TACC2: variants seen among roughly 807,000 people sequenced by gnomAD.
The protein encoded by TACC2 is transforming acidic coiled-coil containing protein 2.
A neutral mutation model predicts 227.3 loss-of-function variants in TACC2; 137 were observed. That is an observed-to-expected ratio of 0.60 (90% CI 0.52 to 0.69). The LOEUF is 0.69. Ranked by LOEUF, TACC2 falls within the 30% of genes least tolerant of loss-of-function variation. TACC2 has a pLI of 0.00. For missense variants in TACC2, 3,470 were observed against 3,694.4 expected (o/e 0.94, Z 1.57); for synonymous variants, 1,523 against 1,487.5 (o/e 1.02, Z -0.55).
intron 3 of TACC2, among the ~76,000 whole-genome samples, chr10:122,062,726 TAGC>T (rs2136460941): frequency 6.6e-6 from 1 of 152,332 alleles, no homozygotes; most frequent in East Asian, 1.9e-4. Context: ...TTGGTGTGGA[TAGC>T]AGCAACTATG....
At chr10:122,170,659 C>CA (rs1205079090) in intron 7 of TACC2, among the ~76,000 whole-genome samples, 2 of 152,122 alleles carry the variant, frequency 1.3e-5, no homozygotes, top group African/African-American at 4.8e-5. Context: ...TAGAACGGTC[C>CA]ATGTCATTGG....
chr10:122,162,903 G>A lies in TACC2; in HGVS notation c.5834+19197G>A, dbSNP rs1212862767. On this transcript the variant is annotated intron_variant, in intron 7 of 22. Transcript: ENST00000369005. ...TGCCTTGGGCGGCTCAGCTGGCCGC[G>A]CCTCTGCTTGTTTAGGGTGAGCCTT... 2.6e-5 allele frequency among the ~76,000 whole-genome samples: 4 copies of A among 152,214 alleles called. No homozygotes were observed. In the Middle Eastern group the frequency reaches 0.014, roughly 518 times the overall value.
chr10:122,138,792 T>C (rs1565410735), intron 6 of TACC2, among the ~76,000 whole-genome samples: 1 of 152,222 alleles, frequency 6.6e-6, no homozygotes, highest in Admixed American at 6.5e-5. Context: ...GTGTCAGATA[T>C]TGAGAATTTC....
intron 7 of TACC2, among the ~76,000 whole-genome samples, chr10:122,154,321 G>T (rs1474488971): frequency 6.6e-6 from 1 of 152,240 alleles, no homozygotes; most frequent in Non-Finnish European, 1.5e-5. Flanking sequence ...TCTTAAGATC[G>T]TAGGCACAGG....
chr10:122,118,057 G>A (rs1368692261), intron 5 of TACC2, among the ~76,000 whole-genome samples: 5 of 144,976 alleles, frequency 3.4e-5, no homozygotes, highest in Non-Finnish European at 4.5e-5. Flanking sequence ...TCTGTTGTCC[G>A]GGCTGGAGTG....
Position 122,210,361 on chromosome 10 carries a change from T to C in TACC2, c.5972-36T>C. ...AGGAGAGGTGCCCCAATGCGTCCTGTGTCTGTAATTGATGGCGTTGTCTGT... is the reference window on the plus strand; with the variant it reads ...AGGAGAGGTGCCCCAATGCGTCCTGCGTCTGTAATTGATGGCGTTGTCTGT... On this transcript the variant is annotated intron_variant, in intron 8 of 22. Transcript: ENST00000369005. The surrounding 1 kb of genome is among the most constrained non-coding windows in gnomAD (Gnocchi z 4.6). 1 of 1,529,802 alleles carries C rather than the reference T, an allele frequency of 6.5e-7. No homozygotes were observed. Among genetic ancestry groups the C allele is most frequent in the Non-Finnish European group, 9.1e-7 (1 of 1,103,522 alleles). 94.8% of individuals were successfully genotyped at this position (1,529,802 alleles called of 1,614,324 possible).
intron 11 of TACC2, 182 bp downstream of exon 11, chr10:122,217,010 G>A: frequency 7.8e-7 from 1 of 1,277,846 alleles, no homozygotes; most frequent in East Asian, 2.6e-5. Flanking sequence ...CCTGAGACTT[G>A]AAAGCAGCTG....
chr10:122,034,021 G>T (rs12354719), intron 2 of TACC2, among the ~76,000 whole-genome samples: 1 of 151,702 alleles, frequency 6.6e-6, no homozygotes, highest in Non-Finnish European at 1.5e-5. Flanking sequence ...GCGTGGTGGC[G>T]CACACCTGTA....
chr10:122,103,036 T>C (rs1447109173), intron 5 of TACC2, among the ~76,000 whole-genome samples: 1 of 151,968 alleles, frequency 6.6e-6, no homozygotes, highest in Non-Finnish European at 1.5e-5. Flanking sequence ...CAGCCCATCA[T>C]GGAATGTGAG....
At chr10:122,008,385 C>T (rs889308138) in intron 1 of TACC2, among the ~76,000 whole-genome samples, 4 of 151,584 alleles carry the variant, frequency 2.6e-5, no homozygotes, top group African/African-American at 9.7e-5. Flanking sequence ...CTCAGCCTCT[C>T]GAGTAGCCGG....
rs2095255583 is a variant in TACC2, at chr10:122,210,169, A to T, written c.5972-228A>T. ...AGCTGTTCTTTAATCGGTCCTCATG[A>T]TCCTCATTGTACAGATGAGGGAACT... On this transcript the variant is annotated intron_variant, in intron 8 of 22. Coordinates refer to ENST00000369005, the MANE Select transcript of TACC2 (RefSeq NM_206862.4). The surrounding 1 kb of genome is among the most constrained non-coding windows in gnomAD (Gnocchi z 4.6). 1 of 594,260 alleles carries T rather than the reference A, an allele frequency of 1.7e-6. No individual in the cohort carries two copies. Among genetic ancestry groups the T allele is most frequent in the African/African-American group, 1.9e-5 (1 of 53,582 alleles). The allele number at this position is 594,260 out of a possible 1,614,324, so 36.8% of individuals were successfully genotyped here. A position where few individuals can be genotyped will look rare whatever the true frequency, so the allele number is the denominator to read the frequency against.
chr10:121,990,510 A>G (rs1332706653), intron 1 of TACC2, among the ~76,000 whole-genome samples: 1 of 149,754 alleles, frequency 6.7e-6, no homozygotes, highest in Non-Finnish European at 1.5e-5. Context: ...GGCAAAGGGT[A>G]GATTCCATTG....
At chr10:122,187,166 G>C (rs2094229207) in intron 7 of TACC2, among the ~76,000 whole-genome samples, 1 of 152,196 alleles carries the variant, frequency 6.6e-6, no homozygotes, top group African/African-American at 2.4e-5. Flanking sequence ...GGGGAGTGAG[G>C]AGTGAGTTTC....
At chr10:122,216,396 A>C in intron 10 of TACC2, among the ~76,000 whole-genome samples, 1 of 137,638 alleles carries the variant, frequency 7.3e-6, no homozygotes. Context: ...TTTTTTTTTA[A>C]ATTCATGGTC....
chr10:122,236,742 T>C (rs1013933752), intron 16 of TACC2, among the ~76,000 whole-genome samples: 1 of 152,202 alleles, frequency 6.6e-6, no homozygotes, highest in Admixed American at 6.5e-5. Flanking sequence ...ACCCAGTTTT[T>C]AATTTTCCCA....
At chr10:122,229,276 G>T in intron 14 of TACC2, 70 bp from the exon 15 acceptor site, 1 of 1,581,360 alleles carries the variant, frequency 6.3e-7, no homozygotes, top group Non-Finnish European at 8.6e-7. Context: ...CATGGCCCTT[G>T]CTTGGAATCA....
intron 1 of TACC2, among the ~76,000 whole-genome samples, chr10:121,993,374 G>A (rs1485109728): frequency 1.2e-4 from 18 of 152,042 alleles, no homozygotes; most frequent in Admixed American, 1.2e-3. Context: ...AATTTTCTCT[G>A]AAAAATTATA....
intron 5 of TACC2, among the ~76,000 whole-genome samples, chr10:122,120,333 G>A (rs921726322): frequency 6.6e-6 from 1 of 152,190 alleles, no homozygotes; most frequent in Non-Finnish European, 1.5e-5. Flanking sequence ...TTTCAGATCA[G>A]AAAATTGTTT....
In TACC2 at chr10:122,098,632, G is replaced by A. The variant is rs916049010; in HGVS notation, c.5573+10041G>A. Among the ~76,000 whole-genome samples the A allele has an allele frequency of 2.6e-5, 4 of 152,170 alleles. No homozygotes were observed. The South Asian group carries it at 6.2e-4, about 24-fold the overall frequency. ...TAACGTGTGAAAAGCTTAGCAAAGTGCCCACCTGGCATGCAGTAAGCACTG... is the reference window on the plus strand; with the variant it reads ...TAACGTGTGAAAAGCTTAGCAAAGTACCCACCTGGCATGCAGTAAGCACTG... On this transcript the variant is annotated intron_variant, in intron 5 of 22. Transcript: ENST00000369005.
Sources: allele counts gnomAD v4.1 joint callset (sites outside exome capture counted in the v4.1 genomes callset), GRCh38; gene constraint gnomAD v4.1.1; non-coding constraint Gnocchi (gnomAD v3.1); transcripts MANE v1.5; gene names NCBI Gene and HGNC (gene_info 2026-07-23, HGNC 2026-07-21).